Variants in HLTF observed in about 807,000 individuals in gnomAD.
The protein encoded by HLTF is helicase like transcription factor.
In HLTF, 127 loss-of-function variants were observed where a neutral mutation model predicts 129.4. The observed-to-expected ratio is 0.98, with a 90% CI of 0.85 to 1.14. HLTF has a LOEUF of 1.14. Among genes scored for constraint, HLTF ranks in the 50% most tolerant of loss-of-function variants. The pLI, the probability that HLTF is intolerant of heterozygous loss-of-function variation, is 0.00. For synonymous variants in HLTF, 332 were observed against 388.8 expected (o/e 0.85, Z 1.72); for missense variants, 1,139 against 1,187.1 (o/e 0.96, Z 0.60).
intron 5 of HLTF, among the ~76,000 whole-genome samples, chr3:149,072,744 T>C (rs1181825239): frequency 1.3e-5 from 2 of 152,340 alleles, no homozygotes; most frequent in East Asian, 1.9e-4. Flanking sequence ...CAAAAAAGTT[T>C]TAATGTTATT....
At chr3:149,047,655 C>A (rs542276127) in intron 17 of HLTF, among the ~76,000 whole-genome samples, 15 of 151,958 alleles carry the variant, frequency 9.9e-5, no homozygotes, top group South Asian at 2.1e-4. Flanking sequence ...TAAATAAATA[C>A]ATAAATAAAT....
intron 5 of HLTF, 35 bp from the exon 6 acceptor site, chr3:149,071,692 A>T: frequency 8.3e-7 from 1 of 1,204,700 alleles, no homozygotes; most frequent in Non-Finnish European, 1.2e-6. Context: ...AATGTAAAAC[A>T]AACTAATTAA....
At chr3:149,077,307 T>C (rs912746431) in intron 2 of HLTF, among the ~76,000 whole-genome samples, 51 of 151,650 alleles carry the variant, frequency 3.4e-4, no homozygotes, top group African/African-American at 1.2e-3. Flanking sequence ...TAATAGCTTG[T>C]TGGGATCCTA....
At chr3:149,037,884 G>A (rs1715785377) in intron 23 of HLTF, among the ~76,000 whole-genome samples, 1 of 152,196 alleles carries the variant, frequency 6.6e-6, no homozygotes, top group African/African-American at 2.4e-5. Context: ...AGAAAAACAC[G>A]CTCCTATGTG....
chr3:149,079,592 TTTTC>T (rs1031026468), intron 2 of HLTF, among the ~76,000 whole-genome samples: 7 of 151,236 alleles, frequency 4.6e-5, no homozygotes, highest in Middle Eastern at 6.8e-3. Context: ...TTTTTTGGGG[TTTTC>T]TTTGTTGTTG....
chr3:149,056,285 C>T (rs1050739249), intron 13 of HLTF, among the ~76,000 whole-genome samples: 1 of 152,114 alleles, frequency 6.6e-6, no homozygotes, highest in Admixed American at 6.5e-5. Context: ...TAATATATTA[C>T]AACAAAAATT....
At chr3:149,080,031 T>C (rs1412672465) in intron 2 of HLTF, among the ~76,000 whole-genome samples, 7 of 151,774 alleles carry the variant, frequency 4.6e-5, no homozygotes, top group African/African-American at 1.7e-4. Flanking sequence ...GGAATTAAAA[T>C]AGTACACTAA....
intron 12 of HLTF, among the ~76,000 whole-genome samples, chr3:149,060,322 T>C (rs1717815630): frequency 6.6e-6 from 1 of 152,172 alleles, no homozygotes; most frequent in South Asian, 2.1e-4. Context: ...AGGAAGACAT[T>C]CTCAACCTAA....
At position 149,076,111 on chromosome 3, in the gene HLTF, T is replaced by G. The variant is rs553038323; in HGVS notation, c.229-64A>C. 18 of 619,764 alleles carry G rather than the reference T, an allele frequency of 2.9e-5. No individual in the cohort carries two copies. The East Asian group carries it at 4.8e-4, about 17-fold the overall frequency. 38.4% of individuals were successfully genotyped at this position (619,764 alleles called of 1,614,324 possible). The stretch of plus-strand genomic sequence containing the variant: ...TAATAGACAATAACTTTGTTATACT[T>G]TATCTGGGATTTCCATTCATTTTTT... On this transcript the variant is annotated intron_variant, in intron 2 of 24. Coordinates refer to ENST00000310053, the MANE Select transcript of HLTF (RefSeq NM_003071.4).
At chr3:149,041,746 T>C in intron 19 of HLTF, 78 bp from the exon 20 acceptor site, 7 of 1,009,074 alleles carry the variant, frequency 6.9e-6, no homozygotes, top group Non-Finnish European at 1.0e-5. Context: ...AAGGAAAAGT[T>C]TCGCTTGCCA....
Position 149,071,609 on chromosome 3 carries a change from TATC to T in HLTF, c.673_675del (p.Asp225del). ...TCAGCTGGTTCCATTTCATGGGTTT[TATC>T]ATCTTCTTTTAAATCTTCAAACAAT... is the stretch of plus-strand genomic sequence containing the variant. On this transcript the variant is annotated inframe_deletion, in exon 6 of 25. Coordinates refer to ENST00000310053, the MANE Select transcript of HLTF (RefSeq NM_003071.4). The T allele has an allele frequency of 6.3e-7, 1 of 1,597,974 alleles. No individual in the cohort carries two copies. The highest frequency in any genetic ancestry group is 8.6e-7 in the Non-Finnish European group (1 of 1,168,210).
At chr3:149,071,117 G>T in intron 7 of HLTF, 135 bp downstream of exon 7, 1 of 519,812 alleles carries the variant, frequency 1.9e-6, no homozygotes, top group Non-Finnish European at 3.3e-6. Flanking sequence ...AGGAAAAACT[G>T]TGTTCTACAA....
At chr3:149,055,962 T>C (rs1269063640) in intron 13 of HLTF, among the ~76,000 whole-genome samples, 1 of 152,232 alleles carries the variant, frequency 6.6e-6, no homozygotes, top group Non-Finnish European at 1.5e-5. Context: ...GCTGCCACGA[T>C]GTGAGGCCAC....
At chr3:149,057,588 G>A (rs554850062) in intron 13 of HLTF, among the ~76,000 whole-genome samples, 27 of 152,292 alleles carry the variant, frequency 1.8e-4, no homozygotes, top group African/African-American at 6.5e-4. Flanking sequence ...CCAAATCCCT[G>A]ACAAATACTG....
intron 14 of HLTF, among the ~76,000 whole-genome samples, chr3:149,051,248 AAAG>A (rs988441378): frequency 1.1e-4 from 16 of 152,126 alleles, no homozygotes; most frequent in African/African-American, 3.4e-4. Context: ...AAAAAAAAAA[AAAG>A]AAGGGAAAAG....
chr3:149,039,636 T>C lies in HLTF; in HGVS notation c.2560A>G (p.Ser854Gly), dbSNP rs2107961591. Residue 854 changes from serine (S) to glycine (G), a missense_variant, in exon 22 of 25, where the codon AGT becomes GGT. Physicochemically the swap from Ser to Gly is moderately conservative, Grantham distance 56. Transcript: ENST00000310053. The stretch of plus-strand genomic sequence containing the variant: ...GTTGTAAACTGAGAAACAACCAAAC[T>C]TTTTATGTTGGGATTCTTCTTTCTT... The part of the protein sequence containing the change: ...DLRKKNPNIK[S>G]LVVSQFTTFL... 1 of 1,608,210 alleles carries C rather than the reference T, an allele frequency of 6.2e-7. No individual in the cohort carries two copies.
At chr3:149,064,714 G>A (rs963112842) in intron 9 of HLTF, 77 bp downstream of exon 9, 15 of 931,200 alleles carry the variant, frequency 1.6e-5, no homozygotes, top group African/African-American at 8.2e-5. Flanking sequence ...CTGAAAAAAC[G>A]CAAATCAAAT....
intron 2 of HLTF, among the ~76,000 whole-genome samples, 160 bp from the exon 3 acceptor site, chr3:149,076,207 A>G (rs960354164): frequency 6.6e-6 from 1 of 152,098 alleles, no homozygotes; most frequent in African/African-American, 2.4e-5. Flanking sequence ...ATATTAATAT[A>G]TATTATTATG....
At chr3:149,059,993 A>G (rs1717784767) in intron 12 of HLTF, among the ~76,000 whole-genome samples, 186 bp from the exon 13 acceptor site, 1 of 152,160 alleles carries the variant, frequency 6.6e-6, no homozygotes, top group South Asian at 2.1e-4. Context: ...TTTTCAACTC[A>G]GAGAAACGAT....
Sources: allele counts gnomAD v4.1 joint callset (sites outside exome capture counted in the v4.1 genomes callset), GRCh38; gene constraint gnomAD v4.1.1; transcripts MANE v1.5; gene names NCBI Gene and HGNC (gene_info 2026-07-23, HGNC 2026-07-21).